Variants in BRCA1 observed in about 807,000 individuals in gnomAD.
BRCA1 encodes BRCA1 DNA repair associated, also known as breast cancer type 1 susceptibility protein.
Under a neutral mutation model 173.7 loss-of-function variants are expected in BRCA1, and 140 were observed. The observed-to-expected ratio is 0.81, with a 90% CI of 0.70 to 0.93. The LOEUF (loss-of-function observed/expected upper bound fraction) is 0.93. BRCA1 is among the 40% of genes least tolerant of loss of function. The pLI, the probability that BRCA1 is intolerant of heterozygous loss-of-function variation, is 0.00. For missense variants in BRCA1, 1,983 were observed against 2,172.5 expected, an observed-to-expected ratio of 0.91 and a Z score of 1.73; for synonymous variants, 662 against 756.0, an observed-to-expected ratio of 0.88 and a Z score of 2.04.
intron 19 of BRCA1, among the ~76,000 whole-genome samples, chr17:43,055,638 T>C (rs2051425982): frequency 6.6e-6 from 1 of 152,050 alleles, no homozygotes. Flanking sequence ...TACAAAAAAC[T>C]ATCTCGGTGT....
rs1439612969 is a variant in BRCA1, at chr17:43,100,655, A to ATATATGTT, written c.442-776_442-775insAACATATA. On this transcript the variant is annotated intron_variant, in intron 6 of 22. Transcript: ENST00000357654. The stretch of plus-strand genomic sequence containing the variant: ...TGTTATATATATATAACATATATAT[A>ATATATGTT]ACATATATATATATATATATATAAT... 4.8e-3 allele frequency among the ~76,000 whole-genome samples: 126 copies of ATATATGTT among 26,346 alleles called. 1 individual carries two copies. The highest frequency in any genetic ancestry group is 0.037 in the Middle Eastern group (2 of 54). The allele number at this position is 26,346 out of a possible 152,430, so 17.3% of individuals were successfully genotyped here.
intron 1 of BRCA1, among the ~76,000 whole-genome samples, chr17:43,142,936 G>GTA (rs1407725139): frequency 2.8e-4 from 41 of 144,832 alleles, no homozygotes; most frequent in African/African-American, 1.0e-3. Context: ...GTGTGTGTGT[G>GTA]TGTGTATATA....
In BRCA1 at chr17:43,125,300, C is replaced by T. The variant is rs1057523081; in HGVS notation, c.-49G>A. Reference sequence around the variant, plus strand: ...ACCCAGAGCAGAGGGTGAAGGCCTCCTGAGCGCAGGGGCCCAGTTATCTGA... The same window carrying T: ...ACCCAGAGCAGAGGGTGAAGGCCTCTTGAGCGCAGGGGCCCAGTTATCTGA... On this transcript the variant is annotated 5_prime_UTR_variant, in exon 1 of 23. Transcript: ENST00000357654. 3 of 456,134 alleles carry T rather than the reference C, an allele frequency of 6.6e-6. No homozygotes were observed. Among genetic ancestry groups the T allele is most frequent in the African/African-American group, 6.0e-5 (3 of 50,076 alleles). The allele number at this position is 456,134 out of a possible 1,614,324, so 28.3% of individuals were successfully genotyped here. A position where few individuals can be genotyped will look rare whatever the true frequency, so the allele number is the denominator to read the frequency against.
rs761163190 is a variant in BRCA1, at chr17:43,063,983, A to G, written c.5075-32T>C. On this transcript the variant is annotated intron_variant, in intron 16 of 22. Transcript: ENST00000357654. ...AATGAAAAACACTCAAAGGATTAGAAGTTGAAAACAAAATCAGGAAGTGCT... is the reference window on the plus strand; with the variant it reads ...AATGAAAAACACTCAAAGGATTAGAGGTTGAAAACAAAATCAGGAAGTGCT... 3 of 1,603,058 alleles carry G rather than the reference A, an allele frequency of 1.9e-6. No individual in the cohort carries two copies. The Middle Eastern group carries it at 5.0e-4, about 265-fold the overall frequency.
At chr17:43,120,045 A>G (rs1439478852) in intron 2 of BRCA1, among the ~76,000 whole-genome samples, 2 of 152,244 alleles carry the variant, frequency 1.3e-5, no homozygotes. Flanking sequence ...AAACCAGGCA[A>G]TATTTTAGGC....
chr17:43,131,727 A>G (rs2055967582), intron 1 of BRCA1, among the ~76,000 whole-genome samples: 1 of 151,998 alleles, frequency 6.6e-6, no homozygotes, highest in Admixed American at 6.6e-5. Flanking sequence ...TCTCAAAAAA[A>G]AAAAAAGGAT....
At chr17:43,079,281 A>G (rs147704942) in intron 12 of BRCA1, 11 of 1,405,318 alleles carry the variant, frequency 7.8e-6, no homozygotes, top group East Asian at 2.3e-5. Context: ...CAGAACCACC[A>G]TCTTTCAGTA....
chr17:43,090,878 G>T, intron 11 of BRCA1, 66 bp downstream of exon 11: 1 of 1,381,438 alleles, frequency 7.2e-7, no homozygotes, highest in Non-Finnish European at 1.0e-6. Flanking sequence ...AAGAATGTGG[G>T]ATACATACTA....
intron 6 of BRCA1, among the ~76,000 whole-genome samples, chr17:43,100,646 C>CATATATATATGTTAT (rs1332474276): frequency 2.9e-4 from 12 of 42,056 alleles, no homozygotes; most frequent in Admixed American, 4.2e-4. Flanking sequence ...ATATATATAA[C>CATATATATATGTTAT]ATATATATAA....
At chr17:43,064,987 T>C (rs1027707560) in intron 16 of BRCA1, among the ~76,000 whole-genome samples, 8 of 151,942 alleles carry the variant, frequency 5.3e-5, no homozygotes, top group Non-Finnish European at 1.0e-4. Context: ...CCCGCCACCA[T>C]GCCCGGCTAA....
At chr17:43,065,781 C>T (rs1567770737) in intron 16 of BRCA1, among the ~76,000 whole-genome samples, 1 of 152,186 alleles carries the variant, frequency 6.6e-6, no homozygotes, top group Non-Finnish European at 1.5e-5. Context: ...GCATCTTCTG[C>T]GTCCTCCATG....
At chr17:43,163,587 A>G (rs1384468474) in intron 1 of BRCA1, 1 of 152,194 alleles carries the variant, frequency 6.6e-6, no homozygotes, top group Non-Finnish European at 1.5e-5. Flanking sequence ...TCGCTTTACA[A>G]TGTCTTTCTT....
At chr17:43,144,698 A>G (rs916280800) in intron 1 of BRCA1, 1 of 218,980 alleles carries the variant, frequency 4.6e-6, no homozygotes, top group Non-Finnish European at 9.3e-6. Context: ...AGAATTAGTT[A>G]TATATATTCT....
At chr17:43,109,041 T>TCTATCTACCTACCTAC (rs2054923574) in intron 3 of BRCA1, among the ~76,000 whole-genome samples, 1 of 151,468 alleles carries the variant, frequency 6.6e-6, no homozygotes. Context: ...TATCTATATC[T>TCTATCTACCTACCTAC]CTATCTATCT....
intron 1 of BRCA1, chr17:43,139,876 C>A (rs1162808459): frequency 2.1e-6 from 1 of 471,440 alleles, no homozygotes; most frequent in East Asian, 6.9e-5. Context: ...TGATCTTGTT[C>A]TTTTTTATGA....
At chr17:43,116,760 C>A (rs1046765261) in intron 2 of BRCA1, among the ~76,000 whole-genome samples, 1 of 152,168 alleles carries the variant, frequency 6.6e-6, no homozygotes, top group African/African-American at 2.4e-5. Flanking sequence ...CTCAGGTGAT[C>A]CGCCTGCCTT....
chr17:43,095,776 A>C (rs2054105037), intron 9 of BRCA1, 70 bp downstream of exon 9: 1 of 1,278,418 alleles, frequency 7.8e-7, no homozygotes, highest in African/African-American at 1.5e-5. Flanking sequence ...CTTCAGAATA[A>C]TCTAATTACA....
chr17:43,049,831 A>G (rs1186181359), intron 20 of BRCA1, among the ~76,000 whole-genome samples: 1 of 152,268 alleles, frequency 6.6e-6, no homozygotes, highest in Admixed American at 6.5e-5. Flanking sequence ...GTTCTTCAAG[A>G]CATTCATGTA....
At chr17:43,136,170 A>G (rs1413090065) in intron 1 of BRCA1, among the ~76,000 whole-genome samples, 2 of 152,244 alleles carry the variant, frequency 1.3e-5, no homozygotes, top group African/African-American at 4.8e-5. Flanking sequence ...GATAGACTGA[A>G]ACAGGCAATG....
Sources: gnomAD v4.1 joint callset for allele counts (sites outside exome capture counted in the v4.1 genomes callset) on GRCh38, gnomAD v4.1.1 for gene constraint, MANE v1.5 for transcripts, NCBI Gene and HGNC (gene_info 2026-07-23, HGNC 2026-07-21) for gene names.